Variants in NBAS observed in about 807,000 individuals in gnomAD.
The protein encoded by NBAS is NAG/BC035112 fusion.
A neutral mutation model predicts 302.5 loss-of-function variants in NBAS; 219 were observed. The observed-to-expected ratio is 0.72, with a 90% CI of 0.65 to 0.81. The LOEUF is 0.81. Ranked by LOEUF, NBAS falls within the 30% of genes least tolerant of loss-of-function variation. The pLI is 0.00. For missense variants in NBAS, 2,932 were observed against 2,841.6 expected, an observed-to-expected ratio of 1.03 and a Z score of -0.72; for synonymous variants, 1,118 against 1,021.6, an observed-to-expected ratio of 1.09 and a Z score of -1.80.
At chr2:14,783,367 T>C in the NBAS span, among the ~76,000 whole-genome samples, 1 of 151,744 alleles carries the variant, frequency 6.6e-6, no homozygotes, top group African/African-American at 2.4e-5. Context: ...ATGTGCACAA[T>C]GTGCAGGTTA....
At chr2:15,502,698 G>C (rs1661637588) in intron 11 of NBAS, among the ~76,000 whole-genome samples, 1 of 152,254 alleles carries the variant, frequency 6.6e-6, no homozygotes, top group African/African-American at 2.4e-5. Flanking sequence ...TTGGGTGAGT[G>C]AGTGTGCGAG....
the NBAS span, among the ~76,000 whole-genome samples, chr2:14,861,615 T>A: frequency 3.3e-5 from 5 of 152,256 alleles, no homozygotes; most frequent in Non-Finnish European, 4.4e-5. Flanking sequence ...TTGAGAAATC[T>A]CAGGATGATG....
At chr2:14,864,301 A>G in the NBAS span, among the ~76,000 whole-genome samples, 5 of 149,900 alleles carry the variant, frequency 3.3e-5, no homozygotes, top group South Asian at 1.1e-3. Flanking sequence ...AGCCTGGGTG[A>G]CAGAGCGAGG....
the NBAS span, among the ~76,000 whole-genome samples, chr2:14,997,384 G>C: frequency 8.9e-4 from 134 of 150,760 alleles, no homozygotes; most frequent in African/African-American, 3.1e-3. Flanking sequence ...ACATGAACTT[G>C]GTCTTCTGCA....
Position 15,400,234 on chromosome 2 carries a change from C to G in NBAS, c.3071+1934G>C, listed in dbSNP as rs112521000. On this transcript the variant is annotated intron_variant, in intron 26 of 51. Transcript: ENST00000281513. The stretch of plus-strand genomic sequence containing the variant: ...AGGAAGAGAGCGAGAAAAGAAGAGA[C>G]AGAGAAAAAAAAAAACATGAAAGGA... 7.6e-3 allele frequency among the ~76,000 whole-genome samples: 1,074 copies of G among 141,040 alleles called. 10 individuals carry two copies. The highest frequency in any genetic ancestry group is 0.024 in the African/African-American group (913 of 37,874). The allele number at this position is 141,040 out of a possible 152,430, so 92.5% of individuals were successfully genotyped here. A position where few individuals can be genotyped will look rare whatever the true frequency, so the allele number is the denominator to read the frequency against.
intron 21 of NBAS, among the ~76,000 whole-genome samples, chr2:15,457,867 G>C (rs547561888): frequency 2.0e-4 from 31 of 152,332 alleles, no homozygotes; most frequent in African/African-American, 7.5e-4. Flanking sequence ...TAGAATAAAA[G>C]AGTTCTGTCC....
chr2:14,800,315 G>A, the NBAS span, among the ~76,000 whole-genome samples: 1 of 152,166 alleles, frequency 6.6e-6, no homozygotes, highest in African/African-American at 2.4e-5. Context: ...TAAGTCTCAT[G>A]AGATCTGATG....
At chr2:14,897,732 C>G in the NBAS span, among the ~76,000 whole-genome samples, 5 of 152,004 alleles carry the variant, frequency 3.3e-5, no homozygotes, top group African/African-American at 1.2e-4. Context: ...TCATCAGCAG[C>G]AAGGATGTTG....
At chr2:15,166,545 C>T (rs11674337), downstream of NBAS, among the ~76,000 whole-genome samples, 1,284 of 152,244 alleles carry the variant, frequency 8.4e-3, 9 homozygotes, top group Non-Finnish European at 0.013. Flanking sequence ...ATCAACTTTA[C>T]GAGACAAATA....
chr2:14,789,786 G>A, the NBAS span, among the ~76,000 whole-genome samples: 8 of 152,194 alleles, frequency 5.3e-5, no homozygotes, highest in African/African-American at 1.9e-4. Flanking sequence ...CCCCATGACA[G>A]ACTGAGCACA....
At chr2:15,210,843 C>G (rs1666374516) in intron 48 of NBAS, among the ~76,000 whole-genome samples, 1 of 152,124 alleles carries the variant, frequency 6.6e-6, no homozygotes, top group African/African-American at 2.4e-5. Flanking sequence ...AACTGGAGGT[C>G]ATAATGTTAA....
chr2:14,955,704 C>T, the NBAS span, among the ~76,000 whole-genome samples: 1 of 152,350 alleles, frequency 6.6e-6, no homozygotes, highest in South Asian at 2.1e-4. Flanking sequence ...ATGGCCTGAG[C>T]TGTACCTTGG....
the NBAS span, among the ~76,000 whole-genome samples, chr2:15,129,158 C>T: frequency 1.3e-5 from 2 of 152,248 alleles, no homozygotes; most frequent in African/African-American, 2.4e-5. Flanking sequence ...CTAGCCTACC[C>T]AGCAATACTT....
chr2:15,116,409 C>CAG, the NBAS span, among the ~76,000 whole-genome samples: 10,939 of 150,006 alleles, frequency 0.073, 616 homozygotes, highest in African/African-American at 0.16. Context: ...CCCCACATGG[C>CAG]AGAGAGAGAG....
the NBAS span, among the ~76,000 whole-genome samples, chr2:14,897,560 A>C: frequency 6.5e-4 from 99 of 151,652 alleles, no homozygotes; most frequent in Non-Finnish European, 1.1e-3. Flanking sequence ...CTATAGCTTC[A>C]GAATAATTTT....
chr2:15,131,116 C>G, the NBAS span, among the ~76,000 whole-genome samples: 1 of 152,202 alleles, frequency 6.6e-6, no homozygotes, highest in Admixed American at 6.5e-5. Flanking sequence ...AATTCCGACT[C>G]TAATTAATCT....
intron 28 of NBAS, among the ~76,000 whole-genome samples, chr2:15,392,634 A>G (rs1675665828): frequency 6.6e-6 from 1 of 152,084 alleles, no homozygotes; most frequent in Non-Finnish European, 1.5e-5. Flanking sequence ...AGAACTAAGT[A>G]AACGGAAAGA....
At position 15,270,568 on chromosome 2, in the gene NBAS, C is replaced by G. The variant is rs139475832; in HGVS notation, c.5724+4916G>C. ...TAAGAATATTAAAGCATCCTGAGATCAAAAGTTTTGAGAATGACCAATCTA... is the reference window on the plus strand; with the variant it reads ...TAAGAATATTAAAGCATCCTGAGATGAAAAGTTTTGAGAATGACCAATCTA... On this transcript the variant is annotated intron_variant, in intron 44 of 51. Transcript: ENST00000281513. 3.9e-5 allele frequency among the ~76,000 whole-genome samples: 6 copies of G among 152,204 alleles called. No homozygotes were observed. The East Asian group carries it at 9.7e-4, about 24-fold the overall frequency.
chr2:15,327,219 C>A (rs1305089142), intron 38 of NBAS, among the ~76,000 whole-genome samples: 1 of 151,922 alleles, frequency 6.6e-6, no homozygotes, highest in Admixed American at 6.6e-5. Flanking sequence ...GATGGCAGAG[C>A]AGAGAGAGGG....
Sources: gnomAD v4.1 joint callset for allele counts (sites outside exome capture counted in the v4.1 genomes callset) on GRCh38, gnomAD v4.1.1 for gene constraint, MANE v1.5 for transcripts, NCBI Gene and HGNC (gene_info 2026-07-23, HGNC 2026-07-21) for gene names.